Variants in ANO2 observed in about 807,000 individuals in gnomAD.
ANO2 encodes the protein anoctamin-2.
In ANO2, 101 loss-of-function variants were observed where a neutral mutation model predicts 124.2. That is an observed-to-expected ratio of 0.81 (90% CI 0.69 to 0.96). The LOEUF is 0.96. ANO2 is among the 40% of genes least tolerant of loss of function. ANO2 has a pLI of 0.00. For synonymous variants in ANO2, 486 were observed against 482.5 expected (o/e 1.01, Z -0.09); for missense variants, 1,293 against 1,274.5 (o/e 1.01, Z -0.22).
At chr12:5,882,392 C>T (rs1171262966) in intron 3 of ANO2, among the ~76,000 whole-genome samples, 1 of 152,208 alleles carries the variant, frequency 6.6e-6, no homozygotes, top group Non-Finnish European at 1.5e-5. Context: ...TTCTATGCTG[C>T]TCTATCTTCT....
intron 4 of ANO2, among the ~76,000 whole-genome samples, chr12:5,835,463 C>T (rs137930859): frequency 1.3e-5 from 2 of 152,312 alleles, no homozygotes; most frequent in African/African-American, 4.8e-5. Context: ...AGTAAGCCTG[C>T]CTTCCGAAAC....
intron 14 of ANO2, among the ~76,000 whole-genome samples, chr12:5,674,857 G>C (rs1948164196): frequency 6.6e-6 from 1 of 152,156 alleles, no homozygotes; most frequent in African/African-American, 2.4e-5. Context: ...GCAGAGTATT[G>C]GTAGGTTGTT....
intron 14 of ANO2, among the ~76,000 whole-genome samples, chr12:5,725,241 A>G (rs1351293039): frequency 3.9e-5 from 6 of 152,006 alleles, no homozygotes; most frequent in Non-Finnish European, 8.8e-5. Context: ...AAACACTCTC[A>G]ACAGTTCAGG....
At chr12:5,693,055 T>C (rs762005348) in intron 14 of ANO2, among the ~76,000 whole-genome samples, 6 of 152,116 alleles carry the variant, frequency 3.9e-5, no homozygotes, top group South Asian at 2.1e-4. Flanking sequence ...TCCATCATCA[T>C]CCCATCTCTA....
At chr12:5,917,715 G>A (rs558926467) in intron 3 of ANO2, among the ~76,000 whole-genome samples, 164 of 151,664 alleles carry the variant, frequency 1.1e-3, no homozygotes, top group Non-Finnish European at 2.0e-3. Flanking sequence ...CTACAGATGC[G>A]CACCACCACA....
At chr12:5,570,311 G>A (rs1007181344) in intron 23 of ANO2, among the ~76,000 whole-genome samples, 5 of 152,200 alleles carry the variant, frequency 3.3e-5, no homozygotes, top group South Asian at 4.2e-4. Context: ...ACATTCACCC[G>A]TAAGTATCAC....
chr12:5,760,291 T>C (rs561995070), intron 10 of ANO2, among the ~76,000 whole-genome samples: 3 of 152,330 alleles, frequency 2.0e-5, no homozygotes, highest in South Asian at 4.1e-4. Context: ...ATATTAATTA[T>C]GGATGTCTGA....
At chr12:5,655,853 A>G (rs1947127664) in intron 14 of ANO2, among the ~76,000 whole-genome samples, 1 of 152,220 alleles carries the variant, frequency 6.6e-6, no homozygotes, top group African/African-American at 2.4e-5. Context: ...CTGTCATCTA[A>G]AAAATACATG....
chr12:5,844,043 G>A (rs1313107890), intron 4 of ANO2, among the ~76,000 whole-genome samples: 18 of 152,150 alleles, frequency 1.2e-4, no homozygotes, highest in Admixed American at 1.0e-3. Context: ...TATCAGCTCG[G>A]GCTGAAGGAA....
intron 20 of ANO2, among the ~76,000 whole-genome samples, chr12:5,588,383 C>T (rs1381648963): frequency 1.3e-5 from 2 of 152,224 alleles, no homozygotes; most frequent in Non-Finnish European, 2.9e-5. Context: ...TCCACAGAAG[C>T]CCAAGTTACT....
chr12:5,848,807 T>C (rs748132085), intron 4 of ANO2, among the ~76,000 whole-genome samples: 1 of 152,186 alleles, frequency 6.6e-6, no homozygotes, highest in Non-Finnish European at 1.5e-5. Context: ...TCCCCCAACA[T>C]TGCAGAGAAG....
intron 22 of ANO2, 39 bp from the exon 23 acceptor site, chr12:5,576,054 GAT>G: frequency 6.5e-7 from 1 of 1,544,960 alleles, no homozygotes; most frequent in Non-Finnish European, 8.8e-7. Context: ...AGCCAGGATT[GAT>G]GCTAAAAAGG....
chr12:5,583,432 T>C (rs1163454087), intron 20 of ANO2, among the ~76,000 whole-genome samples: 6 of 151,906 alleles, frequency 3.9e-5, no homozygotes, highest in African/African-American at 7.3e-5. Flanking sequence ...GGCGGGCGGA[T>C]CACAAGGTCA....
At chr12:5,803,296 C>G (rs576388802) in intron 9 of ANO2, among the ~76,000 whole-genome samples, 1 of 152,158 alleles carries the variant, frequency 6.6e-6, no homozygotes, top group African/African-American at 2.4e-5. Context: ...TCGTGCAGCA[C>G]GGCAAAATGA....
At chr12:5,588,004 C>T (rs1308436013) in intron 20 of ANO2, among the ~76,000 whole-genome samples, 1 of 152,242 alleles carries the variant, frequency 6.6e-6, no homozygotes, top group Admixed American at 6.5e-5. Flanking sequence ...AGAGTGGGCT[C>T]AGCGCACTTC....
rs146835064 is a variant in ANO2 at position 5,601,982 on chromosome 12, G to T, written c.2088-2353C>A. Among the ~76,000 whole-genome samples, 16 of 152,300 alleles carry T rather than the reference G, an allele frequency of 1.1e-4. No individual in the cohort carries two copies. The East Asian group carries it at 3.1e-3, about 29-fold the overall frequency. Reference sequence around the variant, plus strand: ...GAGGCACCAGGTATCCCCAAGGCAGGGGGTGGTGACTGGTCAAAGCTCTGC... The same window carrying T: ...GAGGCACCAGGTATCCCCAAGGCAGTGGGTGGTGACTGGTCAAAGCTCTGC... On this transcript the variant is annotated intron_variant, in intron 19 of 24. Transcript: ENST00000682330.
Position 5,867,778 on chromosome 12 carries a change from GAA to G in ANO2, c.535-13639_535-13638del, listed in dbSNP as rs10622876. Among the ~76,000 whole-genome samples, 581 of 78,526 alleles carry G rather than the reference GAA, an allele frequency of 7.4e-3. 3 individuals are homozygous for G. Among genetic ancestry groups the G allele is most frequent in the African/African-American group, 0.024 (506 of 21,182 alleles). 51.5% of individuals were successfully genotyped at this position (78,526 alleles called of 152,430 possible). Reference sequence around the variant, plus strand: ...ACAGAAAAAGACCTAGCACTATAATGAAAAAAAAAAAAAAAAAAAAAACCAGT... The same window carrying G: ...ACAGAAAAAGACCTAGCACTATAATGAAAAAAAAAAAAAAAAAAAACCAGT... On this transcript the variant is annotated intron_variant, in intron 3 of 24. Transcript: ENST00000682330.
rs568381304 is a variant in ANO2 at position 5,924,716 on chromosome 12, T to C, written c.23-1912A>G. 2.6e-5 allele frequency among the ~76,000 whole-genome samples: 4 copies of C among 152,362 alleles called. No individual in the cohort carries two copies. The South Asian group carries it at 8.3e-4, about 32-fold the overall frequency. Reference sequence around the variant, plus strand: ...TATTCACCTTGTCCAAAGCGCAAGATGAATACATCATTGATAATTCCCTAA... The same window carrying C: ...TATTCACCTTGTCCAAAGCGCAAGACGAATACATCATTGATAATTCCCTAA... On this transcript the variant is annotated intron_variant, in intron 1 of 24. Transcript: ENST00000682330.
intron 14 of ANO2, among the ~76,000 whole-genome samples, chr12:5,690,780 C>T (rs1033559438): frequency 1.3e-4 from 20 of 152,168 alleles, no homozygotes; most frequent in African/African-American, 4.6e-4. Flanking sequence ...GAATCACCTC[C>T]TTTCATCACA....
Sources: gnomAD v4.1 joint callset for allele counts (sites outside exome capture counted in the v4.1 genomes callset) on GRCh38, gnomAD v4.1.1 for gene constraint, MANE v1.5 for transcripts, NCBI Gene and HGNC (gene_info 2026-07-23, HGNC 2026-07-21) for gene names.